Variants in CCSER1 observed in about 807,000 individuals in gnomAD.
CCSER1 encodes the protein serine-rich coiled-coil domain-containing protein 1.
In CCSER1, 41 loss-of-function variants were observed where a neutral mutation model predicts 82.0. The observed-to-expected ratio is 0.50, with a 90% CI of 0.39 to 0.65. CCSER1 has a LOEUF of 0.65. Among genes scored for constraint, CCSER1 ranks in the 30% least tolerant of loss-of-function variants. The pLI, the probability that CCSER1 is intolerant of heterozygous loss-of-function variation, is 0.00. For missense variants in CCSER1, 1,119 were observed against 1,064.2 expected (o/e 1.05, Z -0.72); for synonymous variants, 414 against 383.9 (o/e 1.08, Z -0.92).
intron 8 of CCSER1, among the ~76,000 whole-genome samples, chr4:90,826,129 A>G (rs1760405798): frequency 6.6e-6 from 1 of 152,178 alleles, no homozygotes; most frequent in South Asian, 2.1e-4. Flanking sequence ...TATTATGCCC[A>G]ATAAAAACTA....
At chr4:90,433,117 AT>A (rs1308232941) in intron 4 of CCSER1, among the ~76,000 whole-genome samples, 1 of 151,992 alleles carries the variant, frequency 6.6e-6, no homozygotes, top group Non-Finnish European at 1.5e-5. Flanking sequence ...TATATTAACT[AT>A]CTACTTGAGA....
At chr4:90,369,078 C>T (rs918261920) in intron 3 of CCSER1, among the ~76,000 whole-genome samples, 1 of 151,800 alleles carries the variant, frequency 6.6e-6, no homozygotes, top group African/African-American at 2.4e-5. Context: ...TAAATAATAT[C>T]TGTGGAATTA....
intron 1 of CCSER1, among the ~76,000 whole-genome samples, chr4:90,180,701 T>C (rs529744794): frequency 6.6e-6 from 1 of 152,276 alleles, no homozygotes; most frequent in South Asian, 2.1e-4. Context: ...ATTAGCATAT[T>C]CTCTCAGTCA....
At chr4:91,492,851 T>G (rs1203977555) in intron 10 of CCSER1, among the ~76,000 whole-genome samples, 2 of 152,050 alleles carry the variant, frequency 1.3e-5, no homozygotes, top group African/African-American at 4.8e-5. Context: ...AATTTATAGA[T>G]CTGAGAAAGT....
chr4:90,380,038 TATTCATGAGAA>T (rs1748974004), intron 3 of CCSER1, among the ~76,000 whole-genome samples: 1 of 152,148 alleles, frequency 6.6e-6, no homozygotes, highest in Admixed American at 6.5e-5. Flanking sequence ...GGTGCTAAAC[TATTCATGAGAA>T]AGCCAACCCT....
intron 5 of CCSER1, among the ~76,000 whole-genome samples, chr4:90,602,477 A>T (rs563409166): frequency 2.0e-5 from 3 of 152,162 alleles, no homozygotes; most frequent in Non-Finnish European, 4.4e-5. Context: ...TTGTGCCTTC[A>T]AGATGGGCTG....
At chr4:90,652,898 G>A (rs942904568) in intron 6 of CCSER1, among the ~76,000 whole-genome samples, 5 of 151,982 alleles carry the variant, frequency 3.3e-5, no homozygotes, top group Non-Finnish European at 1.5e-5. Context: ...GTAACTCATT[G>A]GGAAGGTTTG....
chr4:91,509,054 G>T (rs1759684311), intron 10 of CCSER1, among the ~76,000 whole-genome samples: 1 of 151,644 alleles, frequency 6.6e-6, no homozygotes, highest in African/African-American at 2.4e-5. Flanking sequence ...TTTCGGATTT[G>T]CTTATTTTTA....
intron 10 of CCSER1, among the ~76,000 whole-genome samples, chr4:91,128,776 G>C (rs551866142): frequency 2.6e-5 from 4 of 151,980 alleles, no homozygotes; most frequent in Admixed American, 1.3e-4. Flanking sequence ...AAGTGGTCAC[G>C]TGAAAATACA....
intron 5 of CCSER1, among the ~76,000 whole-genome samples, chr4:90,543,302 A>AT (rs1320107065): frequency 6.6e-6 from 1 of 152,128 alleles, no homozygotes; most frequent in African/African-American, 2.4e-5. Context: ...CTAAATTTTC[A>AT]TTTTTCACTG....
At chr4:90,380,464 T>C (rs1185678740) in intron 3 of CCSER1, among the ~76,000 whole-genome samples, 1 of 152,220 alleles carries the variant, frequency 6.6e-6, no homozygotes, top group Non-Finnish European at 1.5e-5. Flanking sequence ...CTTCATATAC[T>C]TTTCCATTCA....
At chr4:91,204,764 T>G (rs1407398920) in intron 10 of CCSER1, among the ~76,000 whole-genome samples, 1 of 151,810 alleles carries the variant, frequency 6.6e-6, no homozygotes, top group African/African-American at 2.4e-5. Context: ...GCAATATTTC[T>G]TATTATTAGT....
chr4:90,647,923 A>G, intron 6 of CCSER1, among the ~76,000 whole-genome samples: 1 of 152,158 alleles, frequency 6.6e-6, no homozygotes, highest in Non-Finnish European at 1.5e-5. Flanking sequence ...ACAACAAAAA[A>G]TATTCATGCC....
chr4:91,301,678 C>T (rs1014456048), intron 10 of CCSER1, among the ~76,000 whole-genome samples: 3 of 151,744 alleles, frequency 2.0e-5, no homozygotes, highest in African/African-American at 4.8e-5. Flanking sequence ...CTTCACTTTT[C>T]GGGTTGCTAC....
At chr4:90,133,933 T>G (rs146290193) in intron 1 of CCSER1, among the ~76,000 whole-genome samples, 1 of 152,290 alleles carries the variant, frequency 6.6e-6, no homozygotes, top group East Asian at 1.9e-4. Context: ...GAATGTTTTA[T>G]TTTTTCCAAA....
At position 91,012,145 on chromosome 4, in the gene CCSER1, C is replaced by T. The variant is rs1739046721; in HGVS notation, c.2173-73805C>T. Among the ~76,000 whole-genome samples, 2 of 134,948 alleles carry T rather than the reference C, an allele frequency of 1.5e-5. 1 individual carries two copies. The highest frequency in any genetic ancestry group is 4.9e-5 in the African/African-American group (2 of 40,416). The allele number at this position is 134,948 out of a possible 152,430, so 88.5% of individuals were successfully genotyped here. ...GCAATGTGCCACTTCAGCCCAGGCT[C>T]AGGGGCTATGACTTCTCAGGGTAGC... On this transcript the variant is annotated intron_variant, in intron 9 of 10. Coordinates refer to ENST00000509176, the MANE Select transcript of CCSER1 (RefSeq NM_001145065.2).
intron 9 of CCSER1, among the ~76,000 whole-genome samples, chr4:90,956,261 G>C (rs1733422018): frequency 6.6e-6 from 1 of 152,096 alleles, no homozygotes; most frequent in South Asian, 2.1e-4. Flanking sequence ...AGTGGTTTCA[G>C]GTCAGATTTT....
At chr4:90,403,932 C>T (rs1343360168) in intron 4 of CCSER1, 1 of 152,152 alleles carries the variant, frequency 6.6e-6, no homozygotes, top group Non-Finnish European at 1.5e-5. Flanking sequence ...AGAACTACCG[C>T]AGGAACATAC....
chr4:91,444,495 G>A (rs1457815135), intron 10 of CCSER1, among the ~76,000 whole-genome samples: 2 of 151,816 alleles, frequency 1.3e-5, no homozygotes, highest in African/African-American at 2.4e-5. Context: ...TATCACCCAG[G>A]CTGGAGTGCA....
Sources: allele counts gnomAD v4.1 joint callset (sites outside exome capture counted in the v4.1 genomes callset), GRCh38; gene constraint gnomAD v4.1.1; transcripts MANE v1.5; gene names NCBI Gene and HGNC (gene_info 2026-07-23, HGNC 2026-07-21).